TSPAN2: variants seen among roughly 807,000 people sequenced by gnomAD.
The protein encoded by TSPAN2 is tetraspanin-2.
TSPAN2 carries 24 observed loss-of-function variants against 33.3 expected under a neutral mutation model. The observed-to-expected ratio is 0.72, with a 90% CI of 0.52 to 1.01. The LOEUF is 1.01. Ranked by LOEUF, TSPAN2 falls within the 50% of genes least tolerant of loss-of-function variation. The probability of loss-of-function intolerance (pLI) is 0.00; values close to 1 mark genes in which losing one functional copy is unlikely to be tolerated. For missense variants in TSPAN2, 278 were observed against 281.3 expected (o/e 0.99, Z 0.08); for synonymous variants, 114 against 104.5 (o/e 1.09, Z -0.56).
rs1212473744 is a variant in TSPAN2 at position 115,049,545 on chromosome 1, T to C, written c.*945A>G. The C allele has an allele frequency of 6.6e-6, 1 of 152,586 alleles. No homozygotes were observed. Among genetic ancestry groups the C allele is most frequent in the Non-Finnish European group, 1.5e-5 (1 of 67,988 alleles). The allele number at this position is 152,586 out of a possible 1,614,324, so 9.5% of individuals were successfully genotyped here. A position where few individuals can be genotyped will look rare whatever the true frequency, so the allele number is the denominator to read the frequency against. On this transcript the variant is annotated 3_prime_UTR_variant, in exon 8 of 8. Coordinates refer to ENST00000369516, the MANE Select transcript of TSPAN2 (RefSeq NM_005725.6). The stretch of plus-strand genomic sequence containing the variant: ...TTCATAGATACAGTGCCCATACAAA[T>C]TCTCTTTCCCACAATTTTCAACTGC...
At chr1:115,086,196 G>A (rs1379505272) in intron 1 of TSPAN2, among the ~76,000 whole-genome samples, 2 of 152,120 alleles carry the variant, frequency 1.3e-5, no homozygotes, top group African/African-American at 4.8e-5. Flanking sequence ...GGAAGTTGAG[G>A]TCACATACTT....
chr1:115,051,327 A>G (rs2101019437), intron 7 of TSPAN2, among the ~76,000 whole-genome samples: 1 of 152,274 alleles, frequency 6.6e-6, no homozygotes, highest in Non-Finnish European at 1.5e-5. Context: ...AAAGTGGAGC[A>G]TCACTTCATT....
intron 2 of TSPAN2, among the ~76,000 whole-genome samples, chr1:115,070,967 G>T (rs1422904432): frequency 6.6e-6 from 1 of 152,172 alleles, no homozygotes; most frequent in Non-Finnish European, 1.5e-5. Context: ...AGGTTATACT[G>T]ATAGGTTATA....
intron 1 of TSPAN2, among the ~76,000 whole-genome samples, chr1:115,076,310 G>A (rs189881927): frequency 3.3e-5 from 5 of 152,220 alleles, no homozygotes; most frequent in African/African-American, 1.2e-4. Flanking sequence ...GGCTTGAGAG[G>A]GTGTGGGACA....
intron 2 of TSPAN2, 133 bp downstream of exon 2, chr1:115,072,772 T>G: frequency 2.8e-6 from 2 of 723,544 alleles, no homozygotes; most frequent in Non-Finnish European, 4.7e-6. Flanking sequence ...GGCTCAGAGG[T>G]GGCTCCTTTC....
intron 2 of TSPAN2, among the ~76,000 whole-genome samples, chr1:115,072,266 G>A (rs529669414): frequency 6.6e-6 from 1 of 152,054 alleles, no homozygotes; most frequent in African/African-American, 2.4e-5. Flanking sequence ...CAGAGCTATT[G>A]CCCCTTCCTG....
chr1:115,053,554 T>C (rs1177023666), intron 6 of TSPAN2, 92 bp from the exon 7 acceptor site: 24 of 1,061,180 alleles, frequency 2.3e-5, no homozygotes, highest in Non-Finnish European at 2.7e-5. Flanking sequence ...CAGTTCATTC[T>C]GTGAGAGTTA....
intron 1 of TSPAN2, among the ~76,000 whole-genome samples, chr1:115,077,751 T>C (rs1209247009): frequency 1.3e-5 from 2 of 152,224 alleles, no homozygotes; most frequent in African/African-American, 4.8e-5. Flanking sequence ...CTTGAGGACA[T>C]ATTTTTTCAT....
chr1:115,062,426 T>C (rs1001811310), intron 2 of TSPAN2, among the ~76,000 whole-genome samples, 194 bp from the exon 3 acceptor site: 1 of 152,158 alleles, frequency 6.6e-6, no homozygotes, highest in African/African-American at 2.4e-5. Flanking sequence ...AGAGCTGGTG[T>C]TTGGCAGAGC....
At chr1:115,056,786 CCTT>C (rs1647447961) in intron 6 of TSPAN2, among the ~76,000 whole-genome samples, 1 of 152,132 alleles carries the variant, frequency 6.6e-6, no homozygotes, top group African/African-American at 2.4e-5. Flanking sequence ...AACTTTTTCT[CCTT>C]CTCCTTTGCA....
In TSPAN2 at chr1:115,072,923, G is replaced by A. The variant is rs1648238826; in HGVS notation, c.154C>T (p.Pro52Ser). 1 of 1,613,854 alleles carries A rather than the reference G, an allele frequency of 6.2e-7. No individual in the cohort carries two copies. The highest frequency in any genetic ancestry group is 8.5e-7 in the Non-Finnish European group (1 of 1,179,754). ...IKELSSEDKS[P>S]EYFYVGLYVL... is the part of the protein sequence containing the mutation. ...CACTCACCCACATAGAAATACTCTGGGGACTTGTCCTCTGATGATAACTCC... is the reference window on the plus strand; with the variant it reads ...CACTCACCCACATAGAAATACTCTGAGGACTTGTCCTCTGATGATAACTCC... The change falls in exon 2 of 8, where the codon CCA becomes TCA. Residue 52 changes from proline to serine, a missense_variant. Coordinates refer to ENST00000369516, the MANE Select transcript of TSPAN2 (RefSeq NM_005725.6).
intron 1 of TSPAN2, among the ~76,000 whole-genome samples, chr1:115,080,984 AC>A (rs1643151596): frequency 6.6e-6 from 1 of 152,232 alleles, no homozygotes; most frequent in Non-Finnish European, 1.5e-5. Context: ...GAGCAGATAA[AC>A]AATTCTTAAT....
chr1:115,074,136 A>G (rs1406333024), intron 1 of TSPAN2, among the ~76,000 whole-genome samples: 2 of 152,214 alleles, frequency 1.3e-5, no homozygotes, highest in South Asian at 2.1e-4. Flanking sequence ...CTGCCCAAAC[A>G]GAGCAGAGCA....
chr1:115,072,041 T>G (rs1348908468), intron 2 of TSPAN2, among the ~76,000 whole-genome samples: 2 of 152,170 alleles, frequency 1.3e-5, no homozygotes, highest in African/African-American at 4.8e-5. Context: ...AGCCAGTATA[T>G]GGGGGTGCCA....
At chr1:115,077,167 C>T (rs1466864052) in intron 1 of TSPAN2, among the ~76,000 whole-genome samples, 2 of 152,074 alleles carry the variant, frequency 1.3e-5, no homozygotes, top group Non-Finnish European at 2.9e-5. Context: ...GATCTGCTCA[C>T]CTCAGCCTCT....
At chr1:115,083,161 G>A (rs964047647) in intron 1 of TSPAN2, among the ~76,000 whole-genome samples, 4 of 152,162 alleles carry the variant, frequency 2.6e-5, no homozygotes, top group South Asian at 4.1e-4. Flanking sequence ...TAGCAACCAT[G>A]ACATGATTTG....
At chr1:115,051,523 G>C (rs1675313727) in intron 7 of TSPAN2, among the ~76,000 whole-genome samples, 1 of 152,152 alleles carries the variant, frequency 6.6e-6, no homozygotes, top group South Asian at 2.1e-4. Context: ...ATGCCAAAGA[G>C]TCTTCTTGTC....
At chr1:115,051,381 C>T (rs922739808) in intron 7 of TSPAN2, among the ~76,000 whole-genome samples, 2 of 152,088 alleles carry the variant, frequency 1.3e-5, no homozygotes, top group Non-Finnish European at 2.9e-5. Context: ...CTGTTTAATT[C>T]AATAGTTTTA....
intron 2 of TSPAN2, among the ~76,000 whole-genome samples, chr1:115,066,694 A>G (rs1310359853): frequency 6.6e-6 from 1 of 152,094 alleles, no homozygotes; most frequent in Non-Finnish European, 1.5e-5. Context: ...TTTATTTGAA[A>G]TTTTTTTATG....
Sources: allele counts gnomAD v4.1 joint callset (sites outside exome capture counted in the v4.1 genomes callset), GRCh38; gene constraint gnomAD v4.1.1; transcripts MANE v1.5; gene names NCBI Gene and HGNC (gene_info 2026-07-23, HGNC 2026-07-21).